The following SCFD1 variants were observed in gnomAD, a reference collection of about 807,000 sequenced individuals.
The protein encoded by SCFD1 is sec1 family domain containing 1, also known as sec1 family domain-containing protein 1.
In SCFD1, 37 loss-of-function variants were observed where a neutral mutation model predicts 103.2. The observed-to-expected ratio is 0.36, with a 90% CI of 0.28 to 0.47. SCFD1 has a LOEUF of 0.47. SCFD1 is among the 20% of genes least tolerant of loss of function. SCFD1 has a pLI of 1.00. For synonymous variants in SCFD1, 264 were observed against 245.0 expected (o/e 1.08, Z -0.73); for missense variants, 639 against 761.2 (o/e 0.84, Z 1.89).
intron 14 of SCFD1, among the ~76,000 whole-genome samples, chr14:30,680,355 TTTAAAGGGAGAATGAA>T (rs1889374582): frequency 6.6e-5 from 10 of 152,148 alleles, no homozygotes; most frequent in African/African-American, 1.9e-4. Flanking sequence ...TTTTTTTTCT[TTTAAAGGGAGAATGAA>T]CTTTTTTTTT....
chr14:30,670,446 A>G, intron 11 of SCFD1, 51 bp downstream of exon 11: 1 of 1,349,970 alleles, frequency 7.4e-7, no homozygotes, highest in Non-Finnish European at 1.0e-6. Context: ...AGAGAAATTA[A>G]GGTGTCATCC....
At chr14:30,719,931 A>G (rs911773137) in intron 21 of SCFD1, among the ~76,000 whole-genome samples, 3 of 137,866 alleles carry the variant, frequency 2.2e-5, no homozygotes, top group Non-Finnish European at 3.1e-5. Flanking sequence ...AGCCTACAAG[A>G]TACAGAAAAA....
At chr14:30,653,655 A>G (rs2139116900) in intron 10 of SCFD1, 67 bp downstream of exon 10, 1 of 1,081,780 alleles carries the variant, frequency 9.2e-7, no homozygotes. Context: ...TTAATTTAAA[A>G]TTAACATCAT....
rs769946242 is a variant in SCFD1 at position 30,702,288 on chromosome 14, T to C, written c.1411-8T>C. The stretch of plus-strand genomic sequence containing the variant: ...ATTTTTTGTCATATAGTTCTTTTCT[T>C]ATTTCAGGCTGATTTGGAGCAATAT... On this transcript the variant is annotated splice_region_variant and splice_polypyrimidine_tract_variant and intron_variant, in intron 16 of 24. Coordinates refer to ENST00000458591, the MANE Select transcript of SCFD1 (RefSeq NM_016106.4). 2 of 1,573,924 alleles carry C rather than the reference T, an allele frequency of 1.3e-6. No individual in the cohort carries two copies. Among genetic ancestry groups the C allele is most frequent in the South Asian group, 2.3e-5 (2 of 85,144 alleles).
intron 17 of SCFD1, 144 bp from the exon 18 acceptor site, chr14:30,705,679 T>C (rs1769826980): frequency 3.3e-6 from 2 of 600,986 alleles, no homozygotes; most frequent in Non-Finnish European, 6.0e-6. Flanking sequence ...CTAATTGTAG[T>C]GTACTTGTAT....
intron 10 of SCFD1, among the ~76,000 whole-genome samples, chr14:30,655,430 G>A (rs1265028853): frequency 6.6e-6 from 1 of 152,188 alleles, no homozygotes; most frequent in African/African-American, 2.4e-5. Context: ...GTATATGATT[G>A]TATTGTGATT....
intron 1 of SCFD1, among the ~76,000 whole-genome samples, chr14:30,625,719 GTA>G (rs67075151): frequency 0.45 from 60,685 of 135,928 alleles, 17,019 homozygotes; most frequent in African/African-American, 0.73. Context: ...AGGTATATAG[GTA>G]TATAGGTATA....
chr14:30,663,040 A>C (rs557931653), intron 10 of SCFD1, among the ~76,000 whole-genome samples: 1 of 152,336 alleles, frequency 6.6e-6, no homozygotes, highest in South Asian at 2.1e-4. Context: ...AGGATGTTTT[A>C]ATTTCCTAAC....
At chr14:30,649,145 C>T (rs992828497) in intron 7 of SCFD1, among the ~76,000 whole-genome samples, 1 of 152,054 alleles carries the variant, frequency 6.6e-6, no homozygotes, top group African/African-American at 2.4e-5. Context: ...ATTTCTGAAA[C>T]TTATTTTTAC....
chr14:30,642,178 C>A (rs779140740), intron 6 of SCFD1, among the ~76,000 whole-genome samples: 3 of 152,116 alleles, frequency 2.0e-5, no homozygotes, highest in Non-Finnish European at 4.4e-5. Flanking sequence ...ACCTCTGTCT[C>A]CCAGTTTCAA....
intron 15 of SCFD1, among the ~76,000 whole-genome samples, chr14:30,697,699 CCTCGGTATAACCTAAAT>C (rs1890791091): frequency 6.6e-6 from 1 of 152,122 alleles, no homozygotes; most frequent in Non-Finnish European, 1.5e-5. Context: ...GATATTCTTG[CCTCGGTATAACCTAAAT>C]CTAATCATGA....
At chr14:30,727,950 A>G (rs1392158563) in intron 23 of SCFD1, among the ~76,000 whole-genome samples, 1 of 152,220 alleles carries the variant, frequency 6.6e-6, no homozygotes, top group Non-Finnish European at 1.5e-5. Context: ...AAAACAGTCC[A>G]TTCCATCATT....
chr14:30,704,009 T>C (rs1251684775), intron 17 of SCFD1, among the ~76,000 whole-genome samples: 1 of 135,364 alleles, frequency 7.4e-6, no homozygotes, highest in Non-Finnish European at 1.6e-5. Context: ...AAACAAAAAA[T>C]CAATTATTGT....
chr14:30,711,624 A>T (rs781560041), intron 19 of SCFD1, among the ~76,000 whole-genome samples: 3 of 152,164 alleles, frequency 2.0e-5, no homozygotes, highest in Non-Finnish European at 4.4e-5. Context: ...TGTACACCCA[A>T]AATATATACA....
intron 10 of SCFD1, among the ~76,000 whole-genome samples, chr14:30,662,294 A>G (rs1378265197): frequency 6.6e-6 from 1 of 152,168 alleles, no homozygotes; most frequent in Non-Finnish European, 1.5e-5. Flanking sequence ...ATGAGACAAT[A>G]TAGGTGTGCT....
intron 6 of SCFD1, among the ~76,000 whole-genome samples, chr14:30,640,069 T>C (rs2273520): frequency 0.32 from 49,418 of 152,060 alleles, 9,104 homozygotes; most frequent in East Asian, 0.62. Flanking sequence ...GTTTTGTAAA[T>C]TCAAAGAAGT....
chr14:30,668,130 A>C (rs1463778827), intron 10 of SCFD1, among the ~76,000 whole-genome samples: 1 of 152,150 alleles, frequency 6.6e-6, no homozygotes, highest in African/African-American at 2.4e-5. Flanking sequence ...GAGGCATCAC[A>C]CTACCTGACT....
intron 14 of SCFD1, among the ~76,000 whole-genome samples, chr14:30,693,595 T>A (rs1890473450): frequency 6.6e-6 from 1 of 152,212 alleles, no homozygotes; most frequent in South Asian, 2.1e-4. Context: ...TATATCTATG[T>A]CCCTAAATCA....
chr14:30,694,963 C>A, intron 15 of SCFD1, 94 bp downstream of exon 15: 1 of 1,508,428 alleles, frequency 6.6e-7, no homozygotes, highest in South Asian at 1.3e-5. Flanking sequence ...TGTTGTTTTT[C>A]TGACAGTCAA....
Sources: gnomAD v4.1 joint callset for allele counts (sites outside exome capture counted in the v4.1 genomes callset) on GRCh38, gnomAD v4.1.1 for gene constraint, MANE v1.5 for transcripts, NCBI Gene and HGNC (gene_info 2026-07-23, HGNC 2026-07-21) for gene names.